Variants in NMBR observed in about 807,000 individuals in gnomAD.
The protein encoded by NMBR is neuromedin B receptor.
A neutral mutation model predicts 20.5 loss-of-function variants in NMBR; 16 were observed. That is an observed-to-expected ratio of 0.78 (90% CI 0.53 to 1.19). The LOEUF (loss-of-function observed/expected upper bound fraction) is 1.19. Ranked by LOEUF, NMBR falls within the 50% of genes most tolerant of loss-of-function variation. The probability of loss-of-function intolerance (pLI) is 0.00; values close to 1 mark genes in which losing one functional copy is unlikely to be tolerated. For synonymous variants in NMBR, 212 were observed against 196.6 expected (o/e 1.08, Z -0.65); for missense variants, 582 against 499.1 (o/e 1.17, Z -1.58).
At chr6:142,123,430 A>G (rs556384120) in intron 1 of NMBR, among the ~76,000 whole-genome samples, 2 of 152,112 alleles carry the variant, frequency 1.3e-5, no homozygotes, top group African/African-American at 4.8e-5. Flanking sequence ...ATATCTCATT[A>G]ACTTAGTACA....
Position 142,088,792 on chromosome 6 carries a change from C to T in NMBR, c.-134G>A. On this transcript the variant is annotated 5_prime_UTR_variant, in exon 2 of 4. Transcript: ENST00000258042. The stretch of plus-strand genomic sequence containing the variant: ...AGTTTACTGTCCGCGGGGCAAGCCT[C>T]ACAGCACCACGTCCCTAAGAGTTCA... 1.3e-6 allele frequency: 1 copy of T among 749,482 alleles called. No individual in the cohort carries two copies. Among genetic ancestry groups the T allele is most frequent in the Non-Finnish European group, 2.1e-6 (1 of 469,910 alleles). The allele number at this position is 749,482 out of a possible 1,614,324, so 46.4% of individuals were successfully genotyped here.
chr6:142,076,354 C>A (rs1776948201), intron 3 of NMBR, among the ~76,000 whole-genome samples: 1 of 152,030 alleles, frequency 6.6e-6, no homozygotes, highest in Non-Finnish European at 1.5e-5. Context: ...TTGTGTGTAA[C>A]ATAAATATAA....
intron 1 of NMBR, among the ~76,000 whole-genome samples, chr6:142,105,872 CCTTTT>C (rs1399260426): frequency 6.6e-6 from 1 of 152,052 alleles, no homozygotes; most frequent in East Asian, 1.9e-4. Context: ...CTTATTAACA[CCTTTT>C]CTATAGCATT....
Position 142,078,754 on chromosome 6 carries a change from T to G in NMBR, c.572A>C (p.Asp191Ala), listed in dbSNP as rs1391338605. Reference protein sequence around the residue: ...FSEVARISSLDNSSFTACIPY... With the variant: ...FSEVARISSLANSSFTACIPY... ...GATACATGCTGTGAAGCTGCTATTA[T>G]CCAAGCTACTGATGCGAGCCACTTC... is the stretch of plus-strand genomic sequence containing the variant. The change falls in exon 3 of 4, where the codon GAT becomes GCT. Residue 191 changes from aspartate (D) to alanine (A), a missense_variant. Physicochemically the swap from Asp to Ala is moderately radical, Grantham distance 126. Transcript: ENST00000258042. 6.2e-7 allele frequency: 1 copy of G among 1,613,934 alleles called. No individual in the cohort carries two copies. The highest frequency in any genetic ancestry group is 8.5e-7 in the Non-Finnish European group (1 of 1,179,996).
intron 1 of NMBR, among the ~76,000 whole-genome samples, chr6:142,115,177 G>A (rs1777829371): frequency 6.6e-6 from 1 of 152,052 alleles, no homozygotes; most frequent in Non-Finnish European, 1.5e-5. Flanking sequence ...GTTGCCAAAT[G>A]TTCTAAAATT....
At chr6:142,082,722 G>A (rs1258390451) in intron 2 of NMBR, among the ~76,000 whole-genome samples, 1 of 152,170 alleles carries the variant, frequency 6.6e-6, no homozygotes, top group African/African-American at 2.4e-5. Flanking sequence ...CAACAGAATG[G>A]ATAGTATCCA....
intron 1 of NMBR, among the ~76,000 whole-genome samples, chr6:142,145,265 G>A (rs1778412832): frequency 6.6e-6 from 1 of 152,110 alleles, no homozygotes; most frequent in African/African-American, 2.4e-5. Context: ...GGAGGGTGCA[G>A]CCTTCTACCA....
intron 1 of NMBR, among the ~76,000 whole-genome samples, chr6:142,095,292 T>C (rs912921710): frequency 2.0e-5 from 3 of 152,162 alleles, no homozygotes; most frequent in African/African-American, 7.2e-5. Flanking sequence ...TGTGGGTTTG[T>C]CATAGATAGC....
intron 1 of NMBR, among the ~76,000 whole-genome samples, chr6:142,140,899 T>C (rs974699508): frequency 6.6e-6 from 1 of 152,146 alleles, no homozygotes; most frequent in African/African-American, 2.4e-5. Flanking sequence ...AGTTGTAATA[T>C]GTATGCCACC....
At chr6:142,106,581 C>T (rs1739811166) in intron 1 of NMBR, among the ~76,000 whole-genome samples, 1 of 152,196 alleles carries the variant, frequency 6.6e-6, no homozygotes, top group African/African-American at 2.4e-5. Flanking sequence ...AAAGGATTGT[C>T]ATTTGCTGGC....
In NMBR at chr6:142,078,239, T is replaced by A. The variant is rs569924407; in HGVS notation, c.771+316A>T. Among the ~76,000 whole-genome samples the A allele has an allele frequency of 2.6e-5, 4 of 152,326 alleles. No homozygotes were observed. The South Asian group carries it at 8.3e-4, about 32-fold the overall frequency. On this transcript the variant is annotated intron_variant, in intron 3 of 3. Transcript: ENST00000258042. Reference sequence around the variant, plus strand: ...AATTAATGTATGCTCATATGTGAAATTTTTCTGGTTTATTATGTTGTTTGT... The same window carrying A: ...AATTAATGTATGCTCATATGTGAAAATTTTCTGGTTTATTATGTTGTTTGT...
chr6:142,146,177 G>A (rs1778430187), intron 1 of NMBR, among the ~76,000 whole-genome samples: 1 of 152,162 alleles, frequency 6.6e-6, no homozygotes, highest in Admixed American at 6.5e-5. Context: ...TAAGATGATG[G>A]ACTTTGCAAA....
intron 1 of NMBR, among the ~76,000 whole-genome samples, chr6:142,114,068 C>T (rs1295772337): frequency 6.6e-6 from 1 of 152,074 alleles, no homozygotes. Context: ...ATAGGAAAAG[C>T]GCCACTCAAA....
At chr6:142,118,102 A>T (rs1006902048) in intron 1 of NMBR, among the ~76,000 whole-genome samples, 2 of 152,028 alleles carry the variant, frequency 1.3e-5, no homozygotes, top group African/African-American at 2.4e-5. Flanking sequence ...CACAAATTTT[A>T]AAATCAGTAT....
intron 1 of NMBR, among the ~76,000 whole-genome samples, chr6:142,140,455 A>G (rs1484635788): frequency 6.6e-6 from 1 of 152,164 alleles, no homozygotes; most frequent in Non-Finnish European, 1.5e-5. Flanking sequence ...CTGGAATCAT[A>G]AAACATTCAA....
intron 1 of NMBR, among the ~76,000 whole-genome samples, chr6:142,132,256 T>C (rs1163128994): frequency 6.6e-6 from 1 of 152,150 alleles, no homozygotes; most frequent in Non-Finnish European, 1.5e-5. Context: ...ATATAATCAA[T>C]GATTAGCTGT....
chr6:142,132,994 C>T (rs570890988), intron 1 of NMBR: 8 of 437,006 alleles, frequency 1.8e-5, no homozygotes, highest in African/African-American at 1.2e-4. Flanking sequence ...AATGGGGCCC[C>T]AGAGATCTAA....
chr6:142,114,448 T>A (rs1777818018), intron 1 of NMBR, among the ~76,000 whole-genome samples: 1 of 152,138 alleles, frequency 6.6e-6, no homozygotes, highest in South Asian at 2.1e-4. Context: ...ATAAATGTCT[T>A]TCTCAAAACC....
chr6:142,088,293 G>A lies in NMBR; in HGVS notation c.366C>T (p.Ile122=). The change falls in exon 2 of 4, where the codon ATC becomes ATT. Residue 122 remains isoleucine (I), a synonymous_variant. Coordinates refer to ENST00000258042, the MANE Select transcript of NMBR (RefSeq NM_002511.4). ...GKVGCKLIPV[I]QLTSVGVSVF... is the part of the protein sequence containing the mutation. ...CGGAAACCCCCACGGAAGTGAGCTG[G>A]ATGACAGGGATCAGTTTGCAGCCCA... is the stretch of plus-strand genomic sequence containing the variant. 1 of 1,613,952 alleles carries A rather than the reference G, an allele frequency of 6.2e-7. No individual in the cohort carries two copies. Among genetic ancestry groups the A allele is most frequent in the Non-Finnish European group, 8.5e-7 (1 of 1,180,036 alleles).
Sources: gnomAD v4.1 joint callset for allele counts (sites outside exome capture counted in the v4.1 genomes callset) on GRCh38, gnomAD v4.1.1 for gene constraint, MANE v1.5 for transcripts, NCBI Gene and HGNC (gene_info 2026-07-23, HGNC 2026-07-21) for gene names.